CNTNAP2: variants seen among roughly 807,000 people sequenced by gnomAD.
CNTNAP2 encodes the protein contactin-associated protein-like 2.
A neutral mutation model predicts 155.2 loss-of-function variants in CNTNAP2; 98 were observed. That is an observed-to-expected ratio of 0.63 (90% CI 0.54 to 0.75). The LOEUF (loss-of-function observed/expected upper bound fraction) is 0.75, where lower values mean the gene tolerates loss of function less well. CNTNAP2 is among the 30% of genes least tolerant of loss of function. The pLI is 0.00. For synonymous variants in CNTNAP2, 651 were observed against 631.2 expected (o/e 1.03, Z -0.47); for missense variants, 1,727 against 1,688.1 (o/e 1.02, Z -0.40).
intron 4 of CNTNAP2, among the ~76,000 whole-genome samples, chr7:147,096,595 C>T (rs1317671725): frequency 2.6e-5 from 4 of 152,212 alleles, no homozygotes; most frequent in African/African-American, 7.2e-5. Context: ...AACCAGCCAG[C>T]ATCACACATT....
intron 18 of CNTNAP2, among the ~76,000 whole-genome samples, chr7:148,209,921 T>C (rs1035386422): frequency 1.2e-4 from 18 of 152,138 alleles, no homozygotes; most frequent in Non-Finnish European, 2.5e-4. Context: ...CTCAGAGCCT[T>C]TGCACATGCT....
chr7:147,948,206 GA>G (rs1447303291), intron 14 of CNTNAP2, among the ~76,000 whole-genome samples: 1 of 149,134 alleles, frequency 6.7e-6, no homozygotes, highest in Admixed American at 6.6e-5. Flanking sequence ...TTAATGAGTA[GA>G]AAAAAATAGA....
At chr7:148,000,914 C>T (rs992866161) in intron 15 of CNTNAP2, among the ~76,000 whole-genome samples, 4 of 152,158 alleles carry the variant, frequency 2.6e-5, no homozygotes, top group African/African-American at 4.8e-5. Flanking sequence ...GGGGAGGATC[C>T]CCTTCTTGAC....
At chr7:147,806,160 T>G (rs1244412064) in intron 13 of CNTNAP2, among the ~76,000 whole-genome samples, 1 of 152,132 alleles carries the variant, frequency 6.6e-6, no homozygotes, top group Admixed American at 6.5e-5. Context: ...AAAAAGCAAC[T>G]AATAATTGTA....
intron 1 of CNTNAP2, among the ~76,000 whole-genome samples, chr7:146,314,618 G>C (rs1181859757): frequency 6.6e-6 from 1 of 152,146 alleles, no homozygotes; most frequent in Non-Finnish European, 1.5e-5. Flanking sequence ...AGATTCAGGA[G>C]CGTGGAGTTC....
chr7:146,515,384 G>A (rs1170747025), intron 1 of CNTNAP2, among the ~76,000 whole-genome samples: 2 of 152,064 alleles, frequency 1.3e-5, no homozygotes, highest in Non-Finnish European at 2.9e-5. Flanking sequence ...TTGGCATCAT[G>A]CATACAGAAA....
chr7:146,816,365 A>T (rs145080317), intron 2 of CNTNAP2, among the ~76,000 whole-genome samples: 1 of 152,278 alleles, frequency 6.6e-6, no homozygotes, highest in African/African-American at 2.4e-5. Flanking sequence ...TTGGAAGAGG[A>T]TTCGGTGGAG....
chr7:146,528,087 A>G (rs1797717644), intron 1 of CNTNAP2, among the ~76,000 whole-genome samples: 1 of 152,318 alleles, frequency 6.6e-6, no homozygotes, highest in South Asian at 2.1e-4. Flanking sequence ...AGGGCATTAA[A>G]AACTCTCTTA....
intron 1 of CNTNAP2, among the ~76,000 whole-genome samples, chr7:146,327,222 T>C (rs1310759309): frequency 2.0e-5 from 3 of 152,184 alleles, no homozygotes; most frequent in Admixed American, 6.6e-5. Context: ...TCAGTGGAGC[T>C]TACACAAAAT....
intron 2 of CNTNAP2, among the ~76,000 whole-genome samples, chr7:146,836,214 C>T (rs528360039): frequency 2.6e-5 from 4 of 151,226 alleles, no homozygotes; most frequent in Non-Finnish European, 4.4e-5. Flanking sequence ...GATATGATTT[C>T]GATATAGTGA....
chr7:147,876,307 T>C (rs910613199), intron 13 of CNTNAP2, among the ~76,000 whole-genome samples: 3 of 152,214 alleles, frequency 2.0e-5, no homozygotes, highest in African/African-American at 7.2e-5. Context: ...TCTTATTGCT[T>C]ATTATTATTA....
At chr7:146,270,763 A>G (rs1800068859) in intron 1 of CNTNAP2, among the ~76,000 whole-genome samples, 1 of 152,150 alleles carries the variant, frequency 6.6e-6, no homozygotes, top group Non-Finnish European at 1.5e-5. Flanking sequence ...TGTTCTGACT[A>G]AATTATAACA....
intron 13 of CNTNAP2, among the ~76,000 whole-genome samples, chr7:147,868,816 A>C (rs750157981): frequency 6.6e-6 from 1 of 152,362 alleles, no homozygotes; most frequent in East Asian, 1.9e-4. Flanking sequence ...CCGGTTGCTA[A>C]GACCTTGGGA....
chr7:147,011,927 G>A (rs1193611484), intron 3 of CNTNAP2, among the ~76,000 whole-genome samples: 1 of 152,158 alleles, frequency 6.6e-6, no homozygotes, highest in Non-Finnish European at 1.5e-5. Context: ...CCCCACCTGG[G>A]TCTACTAGAA....
intron 20 of CNTNAP2, among the ~76,000 whole-genome samples, chr7:148,234,054 A>C (rs1585206005): frequency 6.6e-6 from 1 of 152,320 alleles, no homozygotes; most frequent in South Asian, 2.1e-4. Flanking sequence ...AGCCTGTAGA[A>C]CTGTGAGTCA....
intron 11 of CNTNAP2, among the ~76,000 whole-genome samples, chr7:147,503,913 G>A (rs1488496789): frequency 6.6e-6 from 1 of 152,124 alleles, no homozygotes; most frequent in Admixed American, 6.6e-5. Flanking sequence ...GAACCCTGAG[G>A]AGAAGGGAGA....
intron 19 of CNTNAP2, among the ~76,000 whole-genome samples, chr7:148,226,458 C>T (rs2116773025): frequency 6.6e-6 from 1 of 152,200 alleles, no homozygotes; most frequent in South Asian, 2.1e-4. Flanking sequence ...TTGGCTGCAG[C>T]TGGCACCAAG....
At chr7:146,119,912 T>A (rs1217393126) in intron 1 of CNTNAP2, among the ~76,000 whole-genome samples, 1 of 151,942 alleles carries the variant, frequency 6.6e-6, no homozygotes, top group Non-Finnish European at 1.5e-5. Context: ...GTTCATATGT[T>A]TTATAAAAAC....
intron 5 of CNTNAP2, among the ~76,000 whole-genome samples, chr7:147,109,039 A>G (rs548388882): frequency 6.6e-6 from 1 of 152,334 alleles, no homozygotes; most frequent in Non-Finnish European, 1.5e-5. Context: ...GGCATTACAA[A>G]TTGTTTAGAT....
Sources: gnomAD v4.1 joint callset for allele counts (sites outside exome capture counted in the v4.1 genomes callset) on GRCh38, gnomAD v4.1.1 for gene constraint, MANE v1.5 for transcripts, NCBI Gene and HGNC (gene_info 2026-07-23, HGNC 2026-07-21) for gene names.